UBE3B: variants seen among roughly 807,000 people sequenced by gnomAD.
UBE3B encodes ubiquitin protein ligase E3B, also known as ubiquitin-protein ligase E3B.
UBE3B carries 80 observed loss-of-function variants against 132.3 expected under a neutral mutation model. The observed-to-expected ratio is 0.60, with a 90% CI of 0.50 to 0.73. The LOEUF (loss-of-function observed/expected upper bound fraction) is 0.73. UBE3B is among the 30% of genes least tolerant of loss of function. The probability of loss-of-function intolerance (pLI) is 0.00; values close to 1 mark genes in which losing one functional copy is unlikely to be tolerated. For missense variants in UBE3B, 1,196 were observed against 1,362.5 expected, an observed-to-expected ratio of 0.88 and a Z score of 1.92; for synonymous variants, 487 against 520.4, an observed-to-expected ratio of 0.94 and a Z score of 0.87.
chr12:109,481,909 C>T (rs1332271496), intron 2 of UBE3B, among the ~76,000 whole-genome samples, 167 bp downstream of exon 2: 1 of 152,124 alleles, frequency 6.6e-6, no homozygotes, highest in South Asian at 2.1e-4. Context: ...CTAATACCTT[C>T]CCTCCTGTGG....
rs968809281 is a variant in UBE3B at position 109,477,839 on chromosome 12, T to C, written c.-398T>C. The C allele has an allele frequency of 4.4e-5, 7 of 158,768 alleles. No homozygotes were observed. The South Asian group carries it at 1.0e-3, about 24-fold the overall frequency. The allele number at this position is 158,768 out of a possible 1,614,324, so 9.8% of individuals were successfully genotyped here. A position where few individuals can be genotyped will look rare whatever the true frequency, so the allele number is the denominator to read the frequency against. The stretch of plus-strand genomic sequence containing the variant: ...ACTGGGTCGTCAGTCCTCCGAGTGG[T>C]GGGGCTGGGGACTTTGAGGGAGTTG... On this transcript the variant is annotated 5_prime_UTR_variant, in exon 1 of 28. Coordinates refer to ENST00000342494, the MANE Select transcript of UBE3B (RefSeq NM_130466.4).
intron 19 of UBE3B, among the ~76,000 whole-genome samples, chr12:109,517,422 A>G (rs764313914): frequency 1.3e-5 from 2 of 152,208 alleles, no homozygotes; most frequent in African/African-American, 4.8e-5. Context: ...AACTACCACT[A>G]TACGGTGACT....
In UBE3B at chr12:109,483,775, G is replaced by T. The variant is rs868259069; in HGVS notation, c.161+63G>T. ...CTCCCAATTAATAGCAGATAAATGA[G>T]TTTTTTCTCATAAAGTGCTTGAAAA... is the stretch of plus-strand genomic sequence containing the variant. On this transcript the variant is annotated intron_variant, in intron 3 of 27. Transcript: ENST00000342494. 44 of 1,580,414 alleles carry T rather than the reference G, an allele frequency of 2.8e-5. No homozygotes were observed. In the Middle Eastern group the frequency reaches 1.7e-3, roughly 61 times the overall value.
intron 9 of UBE3B, 49 bp downstream of exon 9, chr12:109,491,176 C>T (rs567792335): frequency 1.6e-5 from 25 of 1,573,368 alleles, no homozygotes; most frequent in Admixed American, 8.5e-5. Flanking sequence ...TGAATGCTTC[C>T]TCCTCTTGGT....
At position 109,510,442 on chromosome 12, in the gene UBE3B, G is replaced by A. The variant is rs1880228288; in HGVS notation, c.1840G>A (p.Asp614Asn). 1.2e-6 allele frequency: 2 copies of A among 1,611,788 alleles called. No homozygotes were observed. The highest frequency in any genetic ancestry group is 1.7e-6 in the Non-Finnish European group (2 of 1,179,296). Reference protein sequence around the residue: ...RDCRRRFTPEDHWLRKDLKPS... With the variant: ...RDCRRRFTPENHWLRKDLKPS... ...CTGCCGGCGGCGCTTCACCCCCGAGGACCACTGGCTGCGAAAGTGAGCTCC... is the reference window on the plus strand; with the variant it reads ...CTGCCGGCGGCGCTTCACCCCCGAGAACCACTGGCTGCGAAAGTGAGCTCC... Residue 614 changes from aspartate (D) to asparagine (N), a missense_variant, in exon 17 of 28, where the codon GAC becomes AAC. Asp to Asn is a conservative substitution (Grantham distance 23). Coordinates refer to ENST00000342494, the MANE Select transcript of UBE3B (RefSeq NM_130466.4).
Position 109,482,341 on chromosome 12 carries a change from C to G in UBE3B, c.-22+599C>G, listed in dbSNP as rs529914939. Among the ~76,000 whole-genome samples the G allele has an allele frequency of 2.1e-4, 32 of 152,274 alleles. 1 individual carries two copies. In the South Asian group the frequency reaches 6.6e-3, roughly 32 times the overall value. On this transcript the variant is annotated intron_variant, in intron 2 of 27. Transcript: ENST00000342494. ...TCCTTACCCCTGTCCCATCTCCCAC[C>G]TTTTGGAGTCTCCATTATCTTATTC...
chr12:109,491,293 CTT>C (rs1419364313), intron 9 of UBE3B, 166 bp downstream of exon 9: 8 of 504,728 alleles, frequency 1.6e-5, no homozygotes, highest in Admixed American at 1.1e-4. Flanking sequence ...ACTGCTCAAA[CTT>C]TTTCTTAATC....
chr12:109,528,536 G>A (rs1032373193), intron 24 of UBE3B: 38 of 976,174 alleles, frequency 3.9e-5, no homozygotes, highest in Middle Eastern at 5.2e-4. Flanking sequence ...TACGTGGGCC[G>A]GGCTCAAGTT....
intron 18 of UBE3B, among the ~76,000 whole-genome samples, chr12:109,515,216 C>T (rs910409475): frequency 2.6e-5 from 4 of 151,686 alleles, no homozygotes; most frequent in African/African-American, 7.3e-5. Flanking sequence ...ACTGGCCCAT[C>T]CCCTTTCTTC....
downstream of UBE3B, among the ~76,000 whole-genome samples, chr12:109,537,644 A>G (rs1159065980): frequency 6.6e-6 from 1 of 152,224 alleles, no homozygotes; most frequent in Non-Finnish European, 1.5e-5. Flanking sequence ...ACACATCGCC[A>G]GCCTCCAGTG....
intron 19 of UBE3B, among the ~76,000 whole-genome samples, chr12:109,518,843 A>G (rs1227201891): frequency 6.6e-6 from 1 of 152,166 alleles, no homozygotes; most frequent in Non-Finnish European, 1.5e-5. Flanking sequence ...CCACTGGAGA[A>G]GGGGAGAGGG....
chr12:109,526,521 G>T, intron 24 of UBE3B, 105 bp downstream of exon 24: 2 of 1,192,630 alleles, frequency 1.7e-6, no homozygotes, highest in Admixed American at 3.9e-5. Context: ...AGTAGAAAGA[G>T]GCCATAAATA....
intron 10 of UBE3B, 75 bp from the exon 11 acceptor site, chr12:109,498,158 C>A: frequency 6.4e-7 from 1 of 1,570,226 alleles, no homozygotes; most frequent in Non-Finnish European, 8.7e-7. Flanking sequence ...GGGTGATCTG[C>A]AAGTGATCAA....
chr12:109,488,704 A>G (rs1592889674), intron 7 of UBE3B, 36 bp downstream of exon 7: 2 of 1,592,500 alleles, frequency 1.3e-6, no homozygotes, highest in South Asian at 1.1e-5. Context: ...TCTCTAACCA[A>G]CATTTCCATA....
intron 12 of UBE3B, 146 bp downstream of exon 12, chr12:109,499,956 A>G: frequency 1.4e-6 from 1 of 724,056 alleles, no homozygotes; most frequent in South Asian, 6.0e-5. Context: ...TGTGAGTAAG[A>G]ACAAAAGAGG....
chr12:109,493,669 A>T (rs796068500), intron 9 of UBE3B, among the ~76,000 whole-genome samples: 1 of 152,246 alleles, frequency 6.6e-6, no homozygotes, highest in African/African-American at 2.4e-5. Context: ...TGGTTTCATC[A>T]TATAGGAATA....
In UBE3B at chr12:109,534,574, A is replaced by G. The variant is rs116275699; in HGVS notation, c.3016-17A>G. The G allele has an allele frequency of 4.4e-4, 693 of 1,592,690 alleles. 2 individuals carry two copies. In the African/African-American group the frequency reaches 7.9e-3, roughly 18 times the overall value. On this transcript the variant is annotated splice_polypyrimidine_tract_variant and intron_variant, in intron 27 of 27. Transcript: ENST00000342494. This position sits in a 1 kb window ranked among gnomAD's most constrained non-coding sequence, Gnocchi z 5.2. ...ACTAGGCCCTTCCCAATTCAAGGCCACGATGTGTGCCTTCAGGACACCGGG... is the reference window on the plus strand; with the variant it reads ...ACTAGGCCCTTCCCAATTCAAGGCCGCGATGTGTGCCTTCAGGACACCGGG...
chr12:109,521,099 T>C lies in UBE3B; in HGVS notation c.2077-49T>C. The C allele has an allele frequency of 6.3e-7, 1 of 1,596,846 alleles. No individual in the cohort carries two copies. The highest frequency in any genetic ancestry group is 8.6e-7 in the Non-Finnish European group (1 of 1,167,546). ...AGAGGAGAGGGAACCCCGAATTGTG[T>C]GCATAAGGCTTTGGGCTTCCTAATG... On this transcript the variant is annotated intron_variant, in intron 19 of 27. Transcript: ENST00000342494. This position sits in a 1 kb window ranked among gnomAD's most constrained non-coding sequence, Gnocchi z 4.2.
chr12:109,489,532 A>G (rs1797104297), intron 7 of UBE3B, among the ~76,000 whole-genome samples: 1 of 152,170 alleles, frequency 6.6e-6, no homozygotes, highest in Non-Finnish European at 1.5e-5. Context: ...GGAACCCAAA[A>G]ATTGTTCAGT....
Sources: allele counts gnomAD v4.1 joint callset (sites outside exome capture counted in the v4.1 genomes callset), GRCh38; gene constraint gnomAD v4.1.1; non-coding constraint Gnocchi (gnomAD v3.1); transcripts MANE v1.5; gene names NCBI Gene and HGNC (gene_info 2026-07-23, HGNC 2026-07-21).